AK9: variants seen among roughly 807,000 people sequenced by gnomAD.
The protein encoded by AK9 is adenylate kinase 9.
In AK9, 191 loss-of-function variants were observed where a neutral mutation model predicts 239.6. That is an observed-to-expected ratio of 0.80 (90% CI 0.71 to 0.90). The LOEUF (loss-of-function observed/expected upper bound fraction) is 0.90. Among genes scored for constraint, AK9 ranks in the 40% least tolerant of loss-of-function variants. The probability of loss-of-function intolerance (pLI) is 0.00; values close to 1 mark genes in which losing one functional copy is unlikely to be tolerated. For missense variants in AK9, 1,995 were observed against 2,214.7 expected (o/e 0.90, Z 1.99); for synonymous variants, 689 against 721.0 (o/e 0.96, Z 0.71).
At chr6:109,686,608 G>C (rs1014865781) in intron 1 of AK9, among the ~76,000 whole-genome samples, 3 of 152,184 alleles carry the variant, frequency 2.0e-5, no homozygotes. Context: ...CAATACTAAA[G>C]GTCCCACAAT....
chr6:109,517,706 T>C (rs1779415803), intron 29 of AK9, among the ~76,000 whole-genome samples: 1 of 152,174 alleles, frequency 6.6e-6, no homozygotes, highest in South Asian at 2.1e-4. Context: ...GAACAGCAGA[T>C]GCCTTTTCGG....
At chr6:109,585,821 T>C (rs1029452763) in intron 18 of AK9, 95 bp downstream of exon 18, 1 of 1,202,484 alleles carries the variant, frequency 8.3e-7, no homozygotes, top group East Asian at 2.6e-5. Context: ...GGTATTTCTA[T>C]CTAGGAAGAG....
intron 8 of AK9, among the ~76,000 whole-genome samples, chr6:109,647,893 C>A (rs1304826913): frequency 6.6e-6 from 1 of 152,112 alleles, no homozygotes; most frequent in Non-Finnish European, 1.5e-5. Flanking sequence ...AACTGTCTCT[C>A]AGACCACAGT....
At chr6:109,580,312 C>T (rs996086577) in intron 19 of AK9, among the ~76,000 whole-genome samples, 2 of 151,898 alleles carry the variant, frequency 1.3e-5, no homozygotes, top group African/African-American at 4.8e-5. Context: ...CCGGCCTTAA[C>T]GATGGTAAAG....
intron 28 of AK9, among the ~76,000 whole-genome samples, chr6:109,532,152 G>A (rs1360747562): frequency 6.6e-6 from 1 of 152,126 alleles, no homozygotes; most frequent in Non-Finnish European, 1.5e-5. Context: ...TAATAGATGA[G>A]CTCTCTGACA....
intron 20 of AK9, among the ~76,000 whole-genome samples, chr6:109,573,849 T>C (rs1787731667): frequency 6.6e-6 from 1 of 152,296 alleles, no homozygotes; most frequent in East Asian, 1.9e-4. Context: ...GAAATGTTTG[T>C]GGCAGTTCCA....
chr6:109,590,731 T>C (rs1039531651), intron 17 of AK9, among the ~76,000 whole-genome samples: 4 of 152,158 alleles, frequency 2.6e-5, no homozygotes, highest in Non-Finnish European at 5.9e-5. Flanking sequence ...TCTATTTTCA[T>C]CTGTTTCAAA....
chr6:109,547,530 T>C (rs1166495362), intron 25 of AK9, among the ~76,000 whole-genome samples: 2 of 152,108 alleles, frequency 1.3e-5, no homozygotes, highest in East Asian at 1.9e-4. Flanking sequence ...CTTTCACCTA[T>C]ACAGAAATCA....
At chr6:109,510,760 G>C (rs60907467) in intron 32 of AK9, among the ~76,000 whole-genome samples, 4,421 of 152,286 alleles carry the variant, frequency 0.029, 198 homozygotes, top group African/African-American at 0.1. Flanking sequence ...GGGCAAAAGT[G>C]CTGCAGCCAC....
At chr6:109,591,922 G>C (rs1287355582) in intron 17 of AK9, among the ~76,000 whole-genome samples, 1 of 151,546 alleles carries the variant, frequency 6.6e-6, no homozygotes, top group Non-Finnish European at 1.5e-5. Context: ...TGAACTCTGA[G>C]GCTGAAGCAA....
At chr6:109,517,984 G>C (rs1170510316) in intron 29 of AK9, among the ~76,000 whole-genome samples, 1 of 152,030 alleles carries the variant, frequency 6.6e-6, no homozygotes, top group African/African-American at 2.4e-5. Flanking sequence ...GGGAAGGGAT[G>C]GGGGGTTACA....
intron 8 of AK9, among the ~76,000 whole-genome samples, chr6:109,650,333 T>A (rs541126460): frequency 1.3e-5 from 2 of 151,804 alleles, no homozygotes; most frequent in South Asian, 4.2e-4. Flanking sequence ...TGCAACCTAC[T>A]CATCTGACAA....
intron 1 of AK9, among the ~76,000 whole-genome samples, chr6:109,682,165 C>T (rs1398465976): frequency 6.6e-6 from 1 of 152,070 alleles, no homozygotes. Context: ...GTGGCTCATG[C>T]CTGTAATCCC....
chr6:109,686,242 T>A (rs1054105993), intron 1 of AK9, among the ~76,000 whole-genome samples: 5 of 152,192 alleles, frequency 3.3e-5, no homozygotes, highest in Admixed American at 1.3e-4. Flanking sequence ...GATCCCCTTA[T>A]AAAGACACAT....
At chr6:109,504,087 C>T (rs752338262) in intron 35 of AK9, among the ~76,000 whole-genome samples, 17 of 152,222 alleles carry the variant, frequency 1.1e-4, no homozygotes, top group Admixed American at 5.9e-4. Flanking sequence ...GGTGCAGTGG[C>T]TCACGCCTAT....
At chr6:109,683,087 G>C (rs1271585957) in intron 1 of AK9, among the ~76,000 whole-genome samples, 1 of 152,164 alleles carries the variant, frequency 6.6e-6, no homozygotes, top group Non-Finnish European at 1.5e-5. Context: ...TGCAAGGCTG[G>C]TTCAACATAT....
At chr6:109,535,809 C>T (rs1313810245) in intron 27 of AK9, among the ~76,000 whole-genome samples, 1 of 152,306 alleles carries the variant, frequency 6.6e-6, no homozygotes, top group Admixed American at 6.5e-5. Context: ...GATCCAGTTT[C>T]AGCTTTCTAC....
At chr6:109,672,236 G>A (rs1484085537) in intron 3 of AK9, 69 bp from the exon 4 acceptor site, 1 of 1,321,720 alleles carries the variant, frequency 7.6e-7, no homozygotes, top group African/African-American at 1.5e-5. Flanking sequence ...ACACATTCTA[G>A]TGTCTTGTAA....
At chr6:109,531,348 A>T (rs1316725021) in intron 28 of AK9, among the ~76,000 whole-genome samples, 1 of 152,036 alleles carries the variant, frequency 6.6e-6, no homozygotes, top group South Asian at 2.1e-4. Flanking sequence ...AGATAGAGTT[A>T]TTGGGTGAGG....
Sources: gnomAD v4.1 joint callset for allele counts (sites outside exome capture counted in the v4.1 genomes callset) on GRCh38, gnomAD v4.1.1 for gene constraint, MANE v1.5 for transcripts, NCBI Gene and HGNC (gene_info 2026-07-23, HGNC 2026-07-21) for gene names.